Variants in PAPPA2 observed in about 807,000 individuals in gnomAD.
PAPPA2 encodes pappalysin-2.
PAPPA2 carries 86 observed loss-of-function variants against 176.4 expected under a neutral mutation model. The ratio of observed to expected loss-of-function variants is 0.49; its 90% confidence interval spans 0.41 to 0.58. PAPPA2 has a LOEUF of 0.58. Among genes scored for constraint, PAPPA2 ranks in the 20% least tolerant of loss-of-function variants. The pLI, the probability that PAPPA2 is intolerant of heterozygous loss-of-function variation, is 0.00. For synonymous variants in PAPPA2, 809 were observed against 852.2 expected (o/e 0.95, Z 0.88); for missense variants, 2,073 against 2,256.9 (o/e 0.92, Z 1.65).
intron 2 of PAPPA2, among the ~76,000 whole-genome samples, chr1:176,579,673 T>C (rs1652852210): frequency 6.6e-6 from 1 of 152,198 alleles, no homozygotes; most frequent in East Asian, 1.9e-4. Context: ...TTATTTAGTA[T>C]TTAAAATGTT....
At chr1:176,748,885 T>A (rs1238703040) in intron 14 of PAPPA2, among the ~76,000 whole-genome samples, 1 of 152,208 alleles carries the variant, frequency 6.6e-6, no homozygotes, top group East Asian at 1.9e-4. Flanking sequence ...AGTACACTCT[T>A]TGATATTTGC....
intron 5 of PAPPA2, 66 bp from the exon 6 acceptor site, chr1:176,692,060 C>G (rs1038920704): frequency 2.8e-6 from 4 of 1,452,696 alleles, no homozygotes; most frequent in African/African-American, 1.4e-5. Context: ...ACAAATTTAT[C>G]CCTGCCTTGG....
At chr1:176,547,691 G>A (rs541724221) in intron 1 of PAPPA2, among the ~76,000 whole-genome samples, 10 of 152,086 alleles carry the variant, frequency 6.6e-5, no homozygotes, top group Non-Finnish European at 1.3e-4. Context: ...TCTGTCTTAC[G>A]CATTGGAAGA....
chr1:176,491,232 C>G (rs144364294), intron 1 of PAPPA2, among the ~76,000 whole-genome samples: 1 of 152,334 alleles, frequency 6.6e-6, no homozygotes, highest in Non-Finnish European at 1.5e-5. Flanking sequence ...AAGAAGCTAA[C>G]AGTCTGGTGA....
intron 1 of PAPPA2, among the ~76,000 whole-genome samples, chr1:176,535,890 G>A (rs534813473): frequency 2.1e-4 from 32 of 152,334 alleles, no homozygotes; most frequent in Middle Eastern, 3.4e-3. Context: ...CTATGTGAAA[G>A]TGAAGGCAGG....
At chr1:176,737,093 A>G (rs750310729) in intron 12 of PAPPA2, among the ~76,000 whole-genome samples, 11 of 152,012 alleles carry the variant, frequency 7.2e-5, no homozygotes, top group Non-Finnish European at 1.6e-4. Context: ...AATACAAATT[A>G]TCGAACACTG....
chr1:176,738,350 C>T (rs1427611183), intron 12 of PAPPA2, among the ~76,000 whole-genome samples: 1 of 152,102 alleles, frequency 6.6e-6, no homozygotes, highest in East Asian at 1.9e-4. Context: ...GCTGCTTTGA[C>T]CACTGAAAAT....
intron 21 of PAPPA2, among the ~76,000 whole-genome samples, chr1:176,806,537 G>T (rs1665915434): frequency 1.3e-5 from 2 of 152,222 alleles, no homozygotes; most frequent in South Asian, 4.1e-4. Context: ...AAAAGGCCTT[G>T]TAACCTCAGT....
intron 1 of PAPPA2, among the ~76,000 whole-genome samples, chr1:176,499,286 A>G (rs759527510): frequency 3.9e-5 from 6 of 152,234 alleles, no homozygotes; most frequent in Admixed American, 6.5e-5. Context: ...TAAATTAACC[A>G]TAAGTAATGG....
At chr1:176,608,843 A>G (rs1654758292) in intron 3 of PAPPA2, among the ~76,000 whole-genome samples, 1 of 152,148 alleles carries the variant, frequency 6.6e-6, no homozygotes, top group African/African-American at 2.4e-5. Context: ...GATATCCTTT[A>G]ATCTCTTTCC....
chr1:176,750,185 G>A (rs184752077), intron 14 of PAPPA2, among the ~76,000 whole-genome samples: 1 of 151,312 alleles, frequency 6.6e-6, no homozygotes, highest in South Asian at 2.1e-4. Flanking sequence ...ATAAAACTAA[G>A]CCTGTACTCT....
chr1:176,744,889 A>G (rs1021858739), intron 14 of PAPPA2, among the ~76,000 whole-genome samples: 4 of 152,112 alleles, frequency 2.6e-5, no homozygotes, highest in African/African-American at 9.7e-5. Flanking sequence ...ATTTTCATAT[A>G]TTTCTATATT....
At chr1:176,767,562 G>A (rs61821263) in intron 15 of PAPPA2, among the ~76,000 whole-genome samples, 1 of 152,146 alleles carries the variant, frequency 6.6e-6, no homozygotes, top group African/African-American at 2.4e-5. Flanking sequence ...CAGCCAGAAT[G>A]GTCTCCATCT....
At chr1:176,803,611 A>G (rs2102953043) in intron 21 of PAPPA2, among the ~76,000 whole-genome samples, 1 of 152,274 alleles carries the variant, frequency 6.6e-6, no homozygotes, top group African/African-American at 2.4e-5. Flanking sequence ...AGTTGCCCAC[A>G]CTGGTTGGGA....
At chr1:176,591,439 G>A (rs955826540) in intron 2 of PAPPA2, among the ~76,000 whole-genome samples, 1 of 152,100 alleles carries the variant, frequency 6.6e-6, no homozygotes, top group Admixed American at 6.5e-5. Flanking sequence ...GCTATGTTAT[G>A]ACCATGTTTT....
chr1:176,719,358 CA>C (rs1270143572), intron 12 of PAPPA2, among the ~76,000 whole-genome samples: 2 of 151,710 alleles, frequency 1.3e-5, no homozygotes. Flanking sequence ...TGTGAAAAAA[CA>C]AAAAACAAAA....
intron 21 of PAPPA2, among the ~76,000 whole-genome samples, chr1:176,832,897 A>G (rs1222248603): frequency 6.6e-6 from 1 of 152,144 alleles, no homozygotes; most frequent in Non-Finnish European, 1.5e-5. Context: ...TCAAATGTAG[A>G]TAAGCTGATT....
intron 3 of PAPPA2, among the ~76,000 whole-genome samples, chr1:176,642,487 T>C (rs924298764): frequency 1.3e-5 from 2 of 151,812 alleles, no homozygotes; most frequent in African/African-American, 4.8e-5. Context: ...TGGAACATAA[T>C]GCATCAACCT....
chr1:176,756,948 A>G (rs1223694630), intron 14 of PAPPA2, among the ~76,000 whole-genome samples: 1 of 152,176 alleles, frequency 6.6e-6, no homozygotes, highest in African/African-American at 2.4e-5. Flanking sequence ...ATGAGTGAGA[A>G]CATGCAGTGT....
Sources: allele counts gnomAD v4.1 joint callset (sites outside exome capture counted in the v4.1 genomes callset), GRCh38; gene constraint gnomAD v4.1.1; transcripts MANE v1.5; gene names NCBI Gene and HGNC (gene_info 2026-07-23, HGNC 2026-07-21).